Variants in GAS6 observed in about 807,000 individuals in gnomAD.
GAS6 encodes the protein growth arrest-specific protein 6.
Under a neutral mutation model 75.8 loss-of-function variants are expected in GAS6, and 41 were observed. The observed-to-expected ratio is 0.54, with a 90% CI of 0.42 to 0.70. The LOEUF (loss-of-function observed/expected upper bound fraction) is 0.70, where lower values mean the gene tolerates loss of function less well. Ranked by LOEUF, GAS6 falls within the 30% of genes least tolerant of loss-of-function variation. The pLI, the probability that GAS6 is intolerant of heterozygous loss-of-function variation, is 0.00. For synonymous variants in GAS6, 432 were observed against 412.6 expected (o/e 1.05, Z -0.57); for missense variants, 854 against 940.2 (o/e 0.91, Z 1.20).
chr13:113,853,345 G>A (rs1025981572), intron 2 of GAS6, among the ~76,000 whole-genome samples: 16 of 152,198 alleles, frequency 1.1e-4, no homozygotes, highest in Admixed American at 9.8e-4. Flanking sequence ...GGCACGGCCC[G>A]ACCTGACGCT....
At chr13:113,850,961 A>G (rs2051868433) in intron 2 of GAS6, among the ~76,000 whole-genome samples, 1 of 152,144 alleles carries the variant, frequency 6.6e-6, no homozygotes, top group Non-Finnish European at 1.5e-5. Context: ...ATGGATGGAT[A>G]AGTGAGTGGA....
intron 2 of GAS6, among the ~76,000 whole-genome samples, chr13:113,858,970 GTATGTC>G (rs2051943864): frequency 1.0e-5 from 1 of 97,330 alleles, no homozygotes; most frequent in African/African-American, 4.1e-5. Flanking sequence ...CTGTGTGACT[GTATGTC>G]TATATGAATG....
chr13:113,835,442 G>A (rs796367296), intron 7 of GAS6, 71 bp downstream of exon 7: 129 of 1,562,024 alleles, frequency 8.3e-5, no homozygotes, highest in African/African-American at 2.4e-4. Flanking sequence ...CAACCGGCTC[G>A]GGCAGTGACT....
chr13:113,832,990 C>T, intron 8 of GAS6: 1 of 1,422,734 alleles, frequency 7.0e-7, no homozygotes, highest in Non-Finnish European at 9.2e-7. Context: ...CCCGTCATCT[C>T]CTTCCCTGCT....
rs1411280779 is a variant in GAS6 at position 113,863,664 on chromosome 13, C to T, written c.166G>A (p.Ala56Thr). ...TCCCTCTCCAGGTGGCCCTGCTTGGCCTCCTCGAAGACCTGAAAGGCGCGG... is the reference window on the plus strand; with the variant it reads ...TCCCTCTCCAGGTGGCCCTGCTTGGTCTCCTCGAAGACCTGAAAGGCGCGG... ...QRRAFQVFEE[A>T]KQGHLERECV... Residue 56 changes from alanine to threonine, a missense_variant, in exon 2 of 15, where the codon GCC becomes ACC. By Grantham distance (58) the Ala-to-Thr change is moderately conservative. Coordinates refer to ENST00000327773, the MANE Select transcript of GAS6 (RefSeq NM_000820.4). This position sits in a 1 kb window ranked among gnomAD's most constrained non-coding sequence, Gnocchi z 9.4. 1.3e-6 allele frequency: 2 copies of T among 1,521,890 alleles called. No homozygotes were observed. The highest frequency in any genetic ancestry group is 1.4e-5 in the African/African-American group (1 of 69,500). The allele number at this position is 1,521,890 out of a possible 1,614,324, so 94.3% of individuals were successfully genotyped here.
chr13:113,844,681 AC>A lies in GAS6; in HGVS notation c.343+1845del, dbSNP rs2138653167. ...AAAAAGACTGAGGAGGGCATAGGAG[AC>A]CCACCCGCGTGCATGAGGCCGAGTC... On this transcript the variant is annotated intron_variant, in intron 4 of 14. Transcript: ENST00000327773. The surrounding 1 kb of genome is among the most constrained non-coding windows in gnomAD (Gnocchi z 5.7). The A allele has an allele frequency of 6.6e-6, 1 of 150,610 alleles. No individual in the cohort carries two copies. Among genetic ancestry groups the A allele is most frequent in the African/African-American group, 2.5e-5 (1 of 40,072 alleles). 9.3% of individuals were successfully genotyped at this position (150,610 alleles called of 1,614,324 possible).
At chr13:113,854,117 A>G (rs1254823486) in intron 2 of GAS6, among the ~76,000 whole-genome samples, 1 of 152,138 alleles carries the variant, frequency 6.6e-6, no homozygotes, top group Admixed American at 6.5e-5. Flanking sequence ...GCCCTCCTCC[A>G]AGCTCACACC....
chr13:113,837,294 C>A lies in GAS6; in HGVS notation c.589+775G>T, dbSNP rs2051727728. On this transcript the variant is annotated intron_variant, in intron 6 of 14. Coordinates refer to ENST00000327773, the MANE Select transcript of GAS6 (RefSeq NM_000820.4). This position sits in a 1 kb window ranked among gnomAD's most constrained non-coding sequence, Gnocchi z 5.1. ...ATCGGGGGATGGGGTGTGGCCCCTC[C>A]TGTCTGGTCAGATTCACTCTCCAGA... Among the ~76,000 whole-genome samples the A allele has an allele frequency of 6.6e-6, 1 of 152,092 alleles. No individual in the cohort carries two copies. The highest frequency in any genetic ancestry group is 6.5e-5 in the Admixed American group (1 of 15,274).
At position 113,839,751 on chromosome 13, in the gene GAS6, C is replaced by A; in HGVS notation, c.443G>T (p.Trp148Leu). 1.2e-6 allele frequency: 2 copies of A among 1,613,964 alleles called. No individual in the cohort carries two copies. Among genetic ancestry groups the A allele is most frequent in the Non-Finnish European group, 1.7e-6 (2 of 1,179,972 alleles). The part of the protein sequence containing the change: ...GNFFCLCKAG[W>L]GGRLCDKDVN... ...ACCTTTGTCGCAGAGCCGGCCCCCC[C>A]AGCCAGCTTTACACAGGCAGAAGAA... Residue 148 changes from tryptophan to leucine, a missense_variant, in exon 5 of 15, where the codon TGG becomes TTG. Physicochemically the swap from Trp to Leu is moderately conservative, Grantham distance 61 (BLOSUM62 -2). Transcript: ENST00000327773.
chr13:113,849,820 T>C (rs1307196084), intron 2 of GAS6, among the ~76,000 whole-genome samples: 1 of 152,178 alleles, frequency 6.6e-6, no homozygotes, highest in Non-Finnish European at 1.5e-5. Context: ...TGTATCCTAA[T>C]TTGCATGTTT....
At chr13:113,847,080 A>G (rs116758574) in intron 3 of GAS6, 5,910 of 482,286 alleles carry the variant, frequency 0.012, 317 homozygotes, top group African/African-American at 0.11. Context: ...TGGCACATGC[A>G]CATCCAGGGA....
At position 113,846,570 on chromosome 13, in the gene GAS6, C is replaced by T. The variant is rs1408587393; in HGVS notation, c.300G>A (p.Gly100=). 1.9e-6 allele frequency: 3 copies of T among 1,613,830 alleles called. No homozygotes were observed. Among genetic ancestry groups the T allele is most frequent in the Non-Finnish European group, 1.7e-6 (2 of 1,179,956 alleles). The change falls in exon 4 of 15, where the codon GGG becomes GGA. Residue 100 remains glycine (G), a synonymous_variant. Coordinates refer to ENST00000327773, the MANE Select transcript of GAS6 (RefSeq NM_000820.4). Reference sequence around the variant, plus strand: ...AGCCTGAGTTTTTGGTGTACGGAGACCCATACTTGTTGATGCAGTCTGCAG... The same window carrying T: ...AGCCTGAGTTTTTGGTGTACGGAGATCCATACTTGTTGATGCAGTCTGCAG... The part of the protein sequence containing the change: ...PRYLDCINKY[G]SPYTKNSGFA...
intron 2 of GAS6, among the ~76,000 whole-genome samples, chr13:113,853,302 T>C (rs1338309759): frequency 6.6e-6 from 1 of 152,216 alleles, no homozygotes; most frequent in Non-Finnish European, 1.5e-5. Context: ...GCAAGGTCTC[T>C]GCCTGGTGGT....
In GAS6 at chr13:113,834,597, TCACAGTGGCAGGTGTA is replaced by T. The variant is rs776780552; in HGVS notation, c.772_787del (p.Tyr258ThrfsTer30). 4 of 1,608,774 alleles carry T rather than the reference TCACAGTGGCAGGTGTA, an allele frequency of 2.5e-6. No individual in the cohort carries two copies. Among genetic ancestry groups the T allele is most frequent in the Non-Finnish European group, 3.4e-6 (4 of 1,178,250 alleles). ...GGACAGCTTGAGGCCCCCACGCCCGTCACAGTGGCAGGTGTAGCTCCCTGGGGAGTTCACGCAGACC... is the reference window on the plus strand; with the variant it reads ...GGACAGCTTGAGGCCCCCACGCCCGTGCTCCCTGGGGAGTTCACGCAGACC... On this transcript the variant is annotated frameshift_variant, in exon 8 of 15. Transcript: ENST00000327773.
Position 113,828,568 on chromosome 13 carries a change from A to G in GAS6, c.1287T>C (p.His429=). The change falls in exon 11 of 15, where the codon CAT becomes CAC. Residue 429 remains histidine, a synonymous_variant. Coordinates refer to ENST00000327773, the MANE Select transcript of GAS6 (RefSeq NM_000820.4). The stretch of plus-strand genomic sequence containing the variant: ...TCACAGGCTGCACGAGGTCCTTCTC[A>G]TGGAAGGGAATACCTCCCACGGTCA... ...LNLTVGGIPF[H]EKDLVQPINP... is the part of the protein sequence containing the mutation. The G allele has an allele frequency of 6.8e-6, 11 of 1,612,030 alleles. No homozygotes were observed. Among genetic ancestry groups the G allele is most frequent in the Non-Finnish European group, 9.3e-6 (11 of 1,178,708 alleles).
chr13:113,824,193 C>T (rs7986580), intron 12 of GAS6, among the ~76,000 whole-genome samples: 10,779 of 107,532 alleles, frequency 0.1, 1,021 homozygotes, highest in Middle Eastern at 0.21. Context: ...CAGGAGCACC[C>T]GCGGTCTGGG....
chr13:113,860,168 AAG>A (rs1183768550), intron 2 of GAS6, among the ~76,000 whole-genome samples: 3 of 152,204 alleles, frequency 2.0e-5, no homozygotes, highest in African/African-American at 7.2e-5. Flanking sequence ...GAGACAAAGA[AAG>A]AGATGGGGGA....
intron 2 of GAS6, among the ~76,000 whole-genome samples, chr13:113,860,231 G>C (rs966258099): frequency 6.6e-6 from 1 of 152,198 alleles, no homozygotes; most frequent in Non-Finnish European, 1.5e-5. Flanking sequence ...GTGCAGGTGC[G>C]GGTACAGGTG....
intron 2 of GAS6, among the ~76,000 whole-genome samples, chr13:113,858,882 TAA>T (rs1488902528): frequency 6.6e-6 from 1 of 152,078 alleles, no homozygotes; most frequent in Non-Finnish European, 1.5e-5. Flanking sequence ...CATGACTATG[TAA>T]GTCTATGTGA....
Sources: allele counts gnomAD v4.1 joint callset (sites outside exome capture counted in the v4.1 genomes callset), GRCh38; gene constraint gnomAD v4.1.1; non-coding constraint Gnocchi (gnomAD v3.1); transcripts MANE v1.5; gene names NCBI Gene and HGNC (gene_info 2026-07-23, HGNC 2026-07-21).